Variants in FRYL observed in about 807,000 individuals in gnomAD.
FRYL encodes the protein protein furry homolog-like.
Under a neutral mutation model 351.2 loss-of-function variants are expected in FRYL, and 150 were observed. The ratio of observed to expected loss-of-function variants is 0.43; its 90% CI spans 0.37 to 0.49. The LOEUF (loss-of-function observed/expected upper bound fraction) is 0.49. Ranked by LOEUF, FRYL falls within the 20% of genes least tolerant of loss-of-function variation. The pLI is 0.00. For synonymous variants in FRYL, 1,153 were observed against 1,257.1 expected (o/e 0.92, Z 1.75); for missense variants, 3,036 against 3,619.3 (o/e 0.84, Z 4.13).
chr4:48,556,911 T>G, intron 35 of FRYL, 67 bp downstream of exon 35: 1 of 1,379,820 alleles, frequency 7.2e-7, no homozygotes, highest in Non-Finnish European at 9.7e-7. Flanking sequence ...CTGCCCATAC[T>G]CTGACATCAC....
intron 27 of FRYL, among the ~76,000 whole-genome samples, chr4:48,569,208 T>C (rs1737667236): frequency 6.6e-6 from 1 of 152,244 alleles, no homozygotes; most frequent in Non-Finnish European, 1.5e-5. Context: ...TATCAGGTTG[T>C]TAATTTTTTG....
chr4:48,763,030 T>C (rs1774565403), intron 1 of FRYL, among the ~76,000 whole-genome samples: 1 of 134,148 alleles, frequency 7.5e-6, no homozygotes. Context: ...CAGGTCCTAA[T>C]AGTAAAGAAA....
intron 3 of FRYL, among the ~76,000 whole-genome samples, chr4:48,683,865 C>G (rs569432516): frequency 6.6e-6 from 1 of 152,192 alleles, no homozygotes; most frequent in Non-Finnish European, 1.5e-5. Context: ...CTTTCTCCCC[C>G]TCTCTCCCTC....
At chr4:48,696,101 T>C (rs563888016) in intron 2 of FRYL, among the ~76,000 whole-genome samples, 1 of 152,188 alleles carries the variant, frequency 6.6e-6, no homozygotes, top group South Asian at 2.1e-4. Flanking sequence ...AGTTCAACCA[T>C]TGTGGAAGAC....
In FRYL at chr4:48,535,864, T is replaced by C. The variant is rs763568504; in HGVS notation, c.6394-37A>G. 2.9e-6 allele frequency: 4 copies of C among 1,400,496 alleles called. No homozygotes were observed. In the African/African-American group the frequency reaches 5.8e-5, roughly 20 times the overall value. 86.8% of individuals were successfully genotyped at this position (1,400,496 alleles called of 1,614,324 possible). On this transcript the variant is annotated intron_variant, in intron 47 of 63. Transcript: ENST00000358350. ...ATAAAATTATTTCATTCACCTAAAA[T>C]AAAGACACAAGTTTAACTTGATTTT...
chr4:48,617,023 C>T (rs1382291422), intron 7 of FRYL, among the ~76,000 whole-genome samples: 1 of 151,970 alleles, frequency 6.6e-6, no homozygotes, highest in Admixed American at 6.6e-5. Context: ...AAAGACTTGC[C>T]TTTTACCAGC....
chr4:48,714,215 G>C (rs1768466880), intron 1 of FRYL, among the ~76,000 whole-genome samples: 2 of 151,814 alleles, frequency 1.3e-5, no homozygotes, highest in Middle Eastern at 3.2e-3. Flanking sequence ...AAAAGAACTA[G>C]AAAAGCAAGA....
At chr4:48,528,977 G>A (rs1017568298) in intron 50 of FRYL, among the ~76,000 whole-genome samples, 3 of 152,106 alleles carry the variant, frequency 2.0e-5, no homozygotes, top group African/African-American at 7.2e-5. Context: ...TGTCATACGA[G>A]TCCCTTTATG....
intron 7 of FRYL, among the ~76,000 whole-genome samples, chr4:48,615,125 C>A (rs1162028368): frequency 6.6e-6 from 1 of 152,150 alleles, no homozygotes. Flanking sequence ...CGCGCCCGGC[C>A]AGTTTAATGC....
chr4:48,702,845 C>T (rs1766919873), intron 2 of FRYL, among the ~76,000 whole-genome samples: 1 of 151,190 alleles, frequency 6.6e-6, no homozygotes, highest in South Asian at 2.1e-4. Context: ...TATTTCTCAA[C>T]ATAAACTATG....
rs1247203322 is a variant in FRYL at position 48,752,377 on chromosome 4, C to CTGGAGCTGGCCCG, written c.-384+27700_-384+27701insCGGGCCAGCTCCA. 2.4e-3 allele frequency among the ~76,000 whole-genome samples: 366 copies of CTGGAGCTGGCCCG among 152,284 alleles called. 1 individual carries two copies. Among genetic ancestry groups the CTGGAGCTGGCCCG allele is most frequent in the African/African-American group, 8.1e-3 (338 of 41,542 alleles). Reference sequence around the variant, plus strand: ...AACCATCTTGACTCCGGATCTGCCCCTGGAGCTGGCAGACAAAGTATAATC... The same window carrying CTGGAGCTGGCCCG: ...AACCATCTTGACTCCGGATCTGCCCCTGGAGCTGGCCCGTGGAGCTGGCAGACAAAGTATAATC... On this transcript the variant is annotated intron_variant, in intron 1 of 63. Transcript: ENST00000358350.
rs748938206 is a variant in FRYL, at chr4:48,505,558, T to C, written c.8452A>G (p.Thr2818Ala). The C allele has an allele frequency of 1.9e-6, 3 of 1,605,360 alleles. No individual in the cohort carries two copies. The South Asian group carries it at 3.3e-5, about 18-fold the overall frequency. ...GAKEDMYRIN[T>A]DAQQMEILAE... ...AACAAGAAACTTACTTGTGCATCTGTGTTTATCCTATACATGTCTTCTTTG... is the reference window on the plus strand; with the variant it reads ...AACAAGAAACTTACTTGTGCATCTGCGTTTATCCTATACATGTCTTCTTTG... The change falls in exon 60 of 64, where the codon ACA becomes GCA. Residue 2818 changes from threonine (T) to alanine (A), a missense_variant. Physicochemically the swap from Thr to Ala is moderately conservative, Grantham distance 58 (BLOSUM62 0). Transcript: ENST00000358350.
Position 48,531,205 on chromosome 4 carries a change from G to T in FRYL, c.6854C>A (p.Ser2285Tyr), listed in dbSNP as rs1479011160. The change falls in exon 50 of 64, where the codon TCT becomes TAT. Residue 2285 changes from serine to tyrosine, a missense_variant. Coordinates refer to ENST00000358350, the MANE Select transcript of FRYL (RefSeq NM_015030.2). Reference protein sequence around the residue: ...ISFTKIFNNVSKELPGKTLDF... With the variant: ...ISFTKIFNNVYKELPGKTLDF... Reference sequence around the variant, plus strand: ...TAAGGTCTTCCCAGGCAACTCCTTAGAAACATTATTAAAAATTTTAGTGAA... The same window carrying T: ...TAAGGTCTTCCCAGGCAACTCCTTATAAACATTATTAAAAATTTTAGTGAA... The T allele has an allele frequency of 6.2e-7, 1 of 1,612,178 alleles. No homozygotes were observed. The highest frequency in any genetic ancestry group is 2.2e-5 in the East Asian group (1 of 44,844).
At chr4:48,582,101 G>A (rs1450568181) in intron 20 of FRYL, among the ~76,000 whole-genome samples, 1 of 152,166 alleles carries the variant, frequency 6.6e-6, no homozygotes, top group East Asian at 1.9e-4. Context: ...AATGATTTGA[G>A]CATCTTTTAT....
chr4:48,500,071 A>G lies in FRYL; in HGVS notation c.8742T>C (p.Asn2914=). The stretch of plus-strand genomic sequence containing the variant: ...GTGCTACAGCTGATATAAATTCTTT[A>G]TTTTTCAAAGTTTCAATTAAAGAAT... ...AIHSLIETLK[N]KEFISAVAQV... The change falls in exon 63 of 64, where the codon AAT becomes AAC. Residue 2914 remains asparagine (N), a synonymous_variant. Coordinates refer to ENST00000358350, the MANE Select transcript of FRYL (RefSeq NM_015030.2). 2 of 1,597,806 alleles carry G rather than the reference A, an allele frequency of 1.3e-6. No homozygotes were observed. Among genetic ancestry groups the G allele is most frequent in the South Asian group, 2.3e-5 (2 of 86,530 alleles).
intron 59 of FRYL, among the ~76,000 whole-genome samples, chr4:48,508,661 G>A (rs756160881): frequency 2.6e-5 from 4 of 152,106 alleles, no homozygotes; most frequent in Admixed American, 6.6e-5. Context: ...CTGGGGAAGC[G>A]GCAGGGTTGA....
intron 23 of FRYL, among the ~76,000 whole-genome samples, chr4:48,578,081 C>T (rs547981771): frequency 2.0e-5 from 3 of 149,590 alleles, no homozygotes; most frequent in South Asian, 2.1e-4. Context: ...ATATTAGATA[C>T]GGATATGCAA....
Position 48,557,649 on chromosome 4 carries a change from A to G in FRYL, c.3929T>C (p.Leu1310Pro), listed in dbSNP as rs1397499066. Residue 1310 changes from leucine (L) to proline (P), a missense_variant, in exon 34 of 64, where the codon CTA (leucine) becomes CCA (proline). This residue lies in a region of FRYL where 1,987 missense variants were observed against 2,311.7 expected (regional missense o/e 0.86). Transcript: ENST00000358350. Reference protein sequence around the residue: ...AGRQVMLHYLLPWMNNIELVD... With the variant: ...AGRQVMLHYLPPWMNNIELVD... ...CAGCTCGATGTTGTTCATCCATGGTAGCAGGTAGTGCAGCATCACCTGCCG... is the reference window on the plus strand; with the variant it reads ...CAGCTCGATGTTGTTCATCCATGGTGGCAGGTAGTGCAGCATCACCTGCCG... The G allele has an allele frequency of 6.2e-7, 1 of 1,614,146 alleles. No individual in the cohort carries two copies. Among genetic ancestry groups the G allele is most frequent in the South Asian group, 1.1e-5 (1 of 91,080 alleles).
chr4:48,547,838 A>G (rs1731698637), intron 40 of FRYL, 69 bp from the exon 41 acceptor site: 2 of 1,067,438 alleles, frequency 1.9e-6, no homozygotes, highest in African/African-American at 1.6e-5. Flanking sequence ...CCAAACTCAC[A>G]TTTTGAAGAA....
Sources: gnomAD v4.1 joint callset for allele counts (sites outside exome capture counted in the v4.1 genomes callset) on GRCh38, gnomAD v4.1.1 for gene constraint, gnomAD v4.1.1 regional missense constraint, MANE v1.5 for transcripts, NCBI Gene and HGNC (gene_info 2026-07-23, HGNC 2026-07-21) for gene names.